The following TBXAS1 variants were observed in gnomAD, a reference collection of about 807,000 sequenced individuals.
TBXAS1 encodes thromboxane-A synthase.
TBXAS1 carries 48 observed loss-of-function variants against 60.7 expected under a neutral mutation model. The observed-to-expected ratio is 0.79, with a 90% CI of 0.63 to 1.01. The LOEUF (loss-of-function observed/expected upper bound fraction) is 1.01, where lower values mean the gene tolerates loss of function less well. Ranked by LOEUF, TBXAS1 falls within the 50% of genes least tolerant of loss-of-function variation. The pLI, the probability that TBXAS1 is intolerant of heterozygous loss-of-function variation, is 0.00. For synonymous variants in TBXAS1, 287 were observed against 269.7 expected (o/e 1.06, Z -0.63); for missense variants, 685 against 686.3 (o/e 1.00, Z 0.02).
rs1337907469 is a variant in TBXAS1 at position 139,913,105 on chromosome 7, C to G, written c.333+1784C>G. On this transcript the variant is annotated intron_variant, in intron 4 of 12. Transcript: ENST00000448866. Reference sequence around the variant, plus strand: ...CCCAACTCCAGACATCACGTGGCCTCTAGAGGGATGTGGCCTGGAGGGAGG... The same window carrying G: ...CCCAACTCCAGACATCACGTGGCCTGTAGAGGGATGTGGCCTGGAGGGAGG... 4.3e-6 allele frequency: 3 copies of G among 702,784 alleles called. No individual in the cohort carries two copies. The East Asian group carries it at 8.0e-5, about 19-fold the overall frequency. The allele number at this position is 702,784 out of a possible 1,614,324, so 43.5% of individuals were successfully genotyped here. A position where few individuals can be genotyped will look rare whatever the true frequency, so the allele number is the denominator to read the frequency against.
chr7:139,937,629 C>T (rs1807893237), intron 5 of TBXAS1, among the ~76,000 whole-genome samples: 1 of 152,208 alleles, frequency 6.6e-6, no homozygotes, highest in African/African-American at 2.4e-5. Flanking sequence ...AACACACTGC[C>T]TCTTCACCAC....
intron 4 of TBXAS1, among the ~76,000 whole-genome samples, chr7:139,803,294 G>C (rs1227235471): frequency 5.3e-5 from 8 of 152,222 alleles, no homozygotes; most frequent in Admixed American, 1.3e-4. Flanking sequence ...GGTGACTCTT[G>C]TTATGCTTTG....
rs1050515045 is a variant in TBXAS1 at position 139,793,197 on chromosome 7, A to C, written c.-80+5771A>C. Among the ~76,000 whole-genome samples, 7 of 152,200 alleles carry C rather than the reference A, an allele frequency of 4.6e-5. No individual in the cohort carries two copies. The East Asian group carries it at 9.7e-4, about 21-fold the overall frequency. ...TGGGGAAGGCTGTGGCGGGCAGAGC[A>C]CTTGAGGTCAGGAGTTCAAGACCAG... On this transcript the variant is annotated intron_variant, in intron 4 of 16. Transcript: ENST00000336425.
At chr7:139,886,628 T>C (rs1803135115) in intron 3 of TBXAS1, among the ~76,000 whole-genome samples, 1 of 152,114 alleles carries the variant, frequency 6.6e-6, no homozygotes, top group Non-Finnish European at 1.5e-5. Flanking sequence ...AGGAAGGAAA[T>C]CCAGGTACTC....
chr7:139,954,729 G>T (rs761256740), intron 6 of TBXAS1, among the ~76,000 whole-genome samples: 4 of 152,166 alleles, frequency 2.6e-5, no homozygotes, highest in Non-Finnish European at 5.9e-5. Context: ...GGCCTTTTGA[G>T]GGGGCAGCTT....
Position 139,852,733 on chromosome 7 carries a change from G to T in TBXAS1, c.90-19502G>T, listed in dbSNP as rs76305684. ...GTCTGCCAAGCTCAAAGGCAAAATT[G>T]GTATTTCCCAGGCCTTTTGGACGGG... On this transcript the variant is annotated intron_variant, in intron 1 of 12. Coordinates refer to ENST00000448866, the MANE Select transcript of TBXAS1 (RefSeq NM_001061.7). The surrounding 1 kb of genome is among the most constrained non-coding windows in gnomAD (Gnocchi z 4.4). 1.7e-3 allele frequency among the ~76,000 whole-genome samples: 252 copies of T among 152,186 alleles called. No individual in the cohort carries two copies. Among genetic ancestry groups the T allele is most frequent in the African/African-American group, 5.6e-3 (232 of 41,504 alleles).
At chr7:139,902,651 T>C (rs753257656) in intron 3 of TBXAS1, among the ~76,000 whole-genome samples, 16 of 152,176 alleles carry the variant, frequency 1.1e-4, no homozygotes, top group Admixed American at 2.0e-4. Context: ...TGCTGGGTCA[T>C]AGCATAAGTA....
intron 4 of TBXAS1, among the ~76,000 whole-genome samples, chr7:139,923,521 GTAT>G (rs2117117118): frequency 6.6e-6 from 1 of 151,466 alleles, no homozygotes; most frequent in African/African-American, 2.4e-5. Flanking sequence ...ATACATGCAT[GTAT>G]CATGCATGCA....
chr7:139,792,304 C>G (rs541129435), intron 4 of TBXAS1, among the ~76,000 whole-genome samples: 1 of 152,280 alleles, frequency 6.6e-6, no homozygotes, highest in South Asian at 2.1e-4. Context: ...GTTACCAAAA[C>G]CACAAGGCTA....
intron 4 of TBXAS1, among the ~76,000 whole-genome samples, chr7:139,926,246 T>A (rs929932214): frequency 6.6e-6 from 1 of 152,210 alleles, no homozygotes; most frequent in African/African-American, 2.4e-5. Flanking sequence ...CTTTAAATGT[T>A]TGATAAAATT....
In TBXAS1 at chr7:140,016,138, C is replaced by A. The variant is rs1003484394; in HGVS notation, c.1364+278C>A. Among the ~76,000 whole-genome samples the A allele has an allele frequency of 2.6e-5, 4 of 152,026 alleles. No individual in the cohort carries two copies. The East Asian group carries it at 7.7e-4, about 29-fold the overall frequency. On this transcript the variant is annotated intron_variant, in intron 11 of 12. Transcript: ENST00000448866. ...GGTCAGGAGATCGAGACCATCCTGG[C>A]TAACACGGTGAAACCCCATCTCTAC...
At chr7:139,779,217 T>A (rs1230266239) in intron 1 of TBXAS1, among the ~76,000 whole-genome samples, 3 of 152,198 alleles carry the variant, frequency 2.0e-5, no homozygotes, top group Non-Finnish European at 4.4e-5. Flanking sequence ...ACCTCGTGAT[T>A]TTCTCACTAC....
intron 4 of TBXAS1, among the ~76,000 whole-genome samples, chr7:139,934,482 C>T (rs1373162758): frequency 6.6e-6 from 1 of 152,096 alleles, no homozygotes; most frequent in East Asian, 1.9e-4. Flanking sequence ...GCCACCATGC[C>T]TGGCCGCAAA....
intron 4 of TBXAS1, among the ~76,000 whole-genome samples, chr7:139,926,521 C>CT (rs1485453603): frequency 1.3e-5 from 2 of 151,874 alleles, no homozygotes; most frequent in Non-Finnish European, 2.9e-5. Flanking sequence ...AGCCTTCTTT[C>CT]TTTTTTTCTT....
rs142787795 is a variant in TBXAS1, at chr7:139,955,958, G to A, written c.688+351G>A. ...TCCCTATTTCTCAGGTGTGAAACAG[G>A]CCTAGAAAGGCCGAGCTGAGACTGG... On this transcript the variant is annotated intron_variant, in intron 7 of 12. Coordinates refer to ENST00000448866, the MANE Select transcript of TBXAS1 (RefSeq NM_001061.7). Among the ~76,000 whole-genome samples the A allele has an allele frequency of 2.0e-4, 31 of 152,208 alleles. 1 individual carries two copies. The highest frequency in any genetic ancestry group is 7.8e-4 in the Admixed American group (12 of 15,294).
intron 3 of TBXAS1, among the ~76,000 whole-genome samples, chr7:139,887,698 A>C (rs1000176060): frequency 6.6e-6 from 1 of 152,178 alleles, no homozygotes; most frequent in African/African-American, 2.4e-5. Flanking sequence ...TGTTACTTCC[A>C]GCATTGAGCT....
At chr7:139,826,797 A>G (rs74332944), upstream of TBXAS1, among the ~76,000 whole-genome samples, 933 of 152,292 alleles carry the variant, frequency 6.1e-3, 4 homozygotes, top group Non-Finnish European at 0.01. Flanking sequence ...GTTATTATTC[A>G]TATTTTCAGC....
chr7:139,980,921 A>G (rs1173979180), intron 9 of TBXAS1, among the ~76,000 whole-genome samples: 1 of 150,542 alleles, frequency 6.6e-6, no homozygotes, highest in Non-Finnish European at 1.5e-5. Flanking sequence ...CATTTCTTCC[A>G]CAAGCAGTAT....
In TBXAS1 at chr7:139,932,126, C is replaced by CTAA; in HGVS notation, c.334-4065_334-4064insTAA. Reference sequence around the variant, plus strand: ...AGCTTGCAGTGATCCAAGATCGCACCATTGCACTCCAGCCTGGGCAACAGA... The same window carrying CTAA: ...AGCTTGCAGTGATCCAAGATCGCACCTAAATTGCACTCCAGCCTGGGCAACAGA... On this transcript the variant is annotated intron_variant, in intron 4 of 12. Coordinates refer to ENST00000448866, the MANE Select transcript of TBXAS1 (RefSeq NM_001061.7). Among the ~76,000 whole-genome samples the CTAA allele has an allele frequency of 2.1e-5, 3 of 142,964 alleles. No homozygotes were observed. In the South Asian group the frequency reaches 6.6e-4, roughly 31 times the overall value. 93.8% of individuals were successfully genotyped at this position (142,964 alleles called of 152,430 possible).
Sources: gnomAD v4.1 joint callset for allele counts (sites outside exome capture counted in the v4.1 genomes callset) on GRCh38, gnomAD v4.1.1 for gene constraint, Gnocchi (gnomAD v3.1) non-coding constraint, MANE v1.5 for transcripts, NCBI Gene and HGNC (gene_info 2026-07-23, HGNC 2026-07-21) for gene names.